Variants in DCHS1 observed in about 807,000 individuals in gnomAD.
DCHS1 encodes the protein dachsous cadherin-related 1.
A neutral mutation model predicts 213.9 loss-of-function variants in DCHS1; 78 were observed. The observed-to-expected ratio is 0.36, with a 90% CI of 0.30 to 0.44. The LOEUF is 0.44. Ranked by LOEUF, DCHS1 falls within the 20% of genes least tolerant of loss-of-function variation. The pLI is 1.00. For synonymous variants in DCHS1, 1,828 were observed against 1,873.7 expected, an observed-to-expected ratio of 0.98 and a Z score of 0.63; for missense variants, 3,946 against 4,395.9, an observed-to-expected ratio of 0.90 and a Z score of 2.89.
At position 6,627,046 on chromosome 11, in the gene DCHS1, G is replaced by A; in HGVS notation, c.5993C>T (p.Ser1998Phe). 1 of 1,613,672 alleles carries A rather than the reference G, an allele frequency of 6.2e-7. No individual in the cohort carries two copies. ...AEDRDAGANA[S>F]ILYRLAGTPP... ...TGTGCCTGCCAGCCGGTACAGAATG[G>A]AAGCATTGGCACCAGCATCACGATC... Residue 1998 changes from serine to phenylalanine, a missense_variant, in exon 14 of 21, where the codon TCC becomes TTC. By Grantham distance (155) the Ser-to-Phe change is radical. This residue lies in a region of DCHS1 where 3,384 missense variants were observed against 3,780.1 expected (regional missense o/e 0.90). Coordinates refer to ENST00000299441, the MANE Select transcript of DCHS1 (RefSeq NM_003737.4). This position sits in a 1 kb window ranked among gnomAD's most constrained non-coding sequence, Gnocchi z 5.4.
At position 6,654,388 on chromosome 11, in the gene DCHS1, T is replaced by C. The variant is rs539936088; in HGVS notation, c.-121+1175A>G. ...TGACAGTGCTTCTGATGGATGTGGA[T>C]TGCAGTGACAATGTCTCCTGAGAGG... On this transcript the variant is annotated intron_variant, in intron 1 of 20. Transcript: ENST00000299441. 1.3e-4 allele frequency among the ~76,000 whole-genome samples: 20 copies of C among 152,312 alleles called. 1 individual carries two copies. The highest frequency in any genetic ancestry group is 4.3e-4 in the African/African-American group (18 of 41,568).
At chr11:6,639,349 C>G (rs1454572922) in intron 2 of DCHS1, among the ~76,000 whole-genome samples, 1 of 152,162 alleles carries the variant, frequency 6.6e-6, no homozygotes, top group Non-Finnish European at 1.5e-5. Flanking sequence ...TGCTATCTCT[C>G]ATTCTCATGT....
In DCHS1 at chr11:6,639,831, T is replaced by G. The variant is rs1470062315; in HGVS notation, c.1783A>C (p.Thr595Pro). Reference protein sequence around the residue: ...ASLPEGTQPGTCFLQVTATDA... With the variant: ...ASLPEGTQPGPCFLQVTATDA... ...GGCCTACCCACCTGCAGGAAGCAAG[T>G]TCCAGGCTGGGTGCCCTCAGGCAGT... The change falls in exon 2 of 21, where the codon ACT becomes CCT. Residue 595 changes from threonine (T) to proline (P), a missense_variant. This residue lies in a region of DCHS1 where 3,384 missense variants were observed against 3,780.1 expected (regional missense o/e 0.90). Coordinates refer to ENST00000299441, the MANE Select transcript of DCHS1 (RefSeq NM_003737.4). The G allele has an allele frequency of 6.3e-7, 1 of 1,598,204 alleles. No individual in the cohort carries two copies. The highest frequency in any genetic ancestry group is 1.3e-5 in the African/African-American group (1 of 74,712).
intron 2 of DCHS1, among the ~76,000 whole-genome samples, chr11:6,634,722 C>T (rs1855964025): frequency 6.6e-6 from 1 of 151,950 alleles, no homozygotes; most frequent in Non-Finnish European, 1.5e-5. Flanking sequence ...CACTTCAGCA[C>T]TACACTTGGG....
Position 6,623,400 on chromosome 11 carries a change from G to A in DCHS1, c.8276C>T (p.Ala2759Val), listed in dbSNP as rs1266311906. 2 of 1,595,366 alleles carry A rather than the reference G, an allele frequency of 1.3e-6. No homozygotes were observed. Among genetic ancestry groups the A allele is most frequent in the Admixed American group, 1.7e-5 (1 of 57,356 alleles). Residue 2759 changes from alanine (A) to valine (V), a missense_variant, in exon 21 of 21, where the codon GCA becomes GTA. Ala to Val is a moderately conservative substitution (Grantham distance 64). Coordinates refer to ENST00000299441, the MANE Select transcript of DCHS1 (RefSeq NM_003737.4). ...CAACTCCCCTGTTGAGCTGTTCAGT[G>A]CAAATGCCTCACGGCCCTCAGGTCC... ...GPGPEGREAF[A>V]LNSSTGELRA...
rs763021925 is a variant in DCHS1 at position 6,625,566 on chromosome 11, C to A, written c.6862+31G>T. On this transcript the variant is annotated intron_variant, in intron 18 of 20. Coordinates refer to ENST00000299441, the MANE Select transcript of DCHS1 (RefSeq NM_003737.4). The surrounding 1 kb of genome is among the most constrained non-coding windows in gnomAD (Gnocchi z 5.3). ...GTGGAGAAAAATGTCTCTCTGCCAC[C>A]CTTTATGCCACCCACTTTACCCAGC... The A allele has an allele frequency of 1.9e-6, 3 of 1,613,262 alleles. No homozygotes were observed. The East Asian group carries it at 6.7e-5, about 36-fold the overall frequency.
At position 6,622,626 on chromosome 11, in the gene DCHS1, C is replaced by A. The variant is rs1455784513; in HGVS notation, c.9050G>T (p.Gly3017Val). Residue 3017 changes from glycine (G) to valine (V), a missense_variant, in exon 21 of 21, where the codon GGA becomes GTA. Coordinates refer to ENST00000299441, the MANE Select transcript of DCHS1 (RefSeq NM_003737.4). The surrounding 1 kb of genome is among the most constrained non-coding windows in gnomAD (Gnocchi z 5.4). ...CAAGGAGCCACCACGGGGGTAGGGT[C>A]CTCCAGCTCCTGGCCCACCATAGCT... ...LPSYGGPGAG[G>V]PYPRGGSLDP... 1.1e-5 allele frequency: 18 copies of A among 1,584,630 alleles called. No individual in the cohort carries two copies. Among genetic ancestry groups the A allele is most frequent in the Non-Finnish European group, 1.5e-5 (18 of 1,165,840 alleles).
rs1855870746 is a variant in DCHS1 at position 6,629,820 on chromosome 11, G to A, written c.4887C>T (p.Arg1629=). 1 of 1,613,122 alleles carries A rather than the reference G, an allele frequency of 6.2e-7. No individual in the cohort carries two copies. The highest frequency in any genetic ancestry group is 8.5e-7 in the Non-Finnish European group (1 of 1,179,894). Residue 1629 remains arginine (R), a synonymous_variant, in exon 11 of 21, where the codon CGC becomes CGT. Coordinates refer to ENST00000299441, the MANE Select transcript of DCHS1 (RefSeq NM_003737.4). The part of the protein sequence containing the change: ...VVASDHGSPP[R]SATQVLTVSV... ...TGACGGTCAGGACCTGCGTGGCCGA[G>A]CGCGGCGGGGAGCCGTGGTCTGAGG...
At chr11:6,643,987 AG>A (rs1222776732) in intron 1 of DCHS1, among the ~76,000 whole-genome samples, 2 of 152,184 alleles carry the variant, frequency 1.3e-5, no homozygotes, top group Non-Finnish European at 2.9e-5. Context: ...GACATGTCTC[AG>A]GTCTTTCTTG....
At position 6,622,915 on chromosome 11, in the gene DCHS1, C is replaced by A; in HGVS notation, c.8761G>T (p.Asp2921Tyr). Residue 2921 changes from aspartate to tyrosine, a missense_variant, in exon 21 of 21, where the codon GAT (aspartate) becomes TAT (tyrosine). By Grantham distance (160) the Asp-to-Tyr change is radical (BLOSUM62 -3). Transcript: ENST00000299441. The surrounding 1 kb of genome is among the most constrained non-coding windows in gnomAD (Gnocchi z 5.4). ...SRSATVPVTV[D>Y]ITHTALGLAP... ...AGGCCCAGTGCGGTGTGGGTGATAT[C>A]CACGGTCACAGGCACTGTGGCACTC... The A allele has an allele frequency of 6.3e-7, 1 of 1,594,756 alleles. No homozygotes were observed. Among genetic ancestry groups the A allele is most frequent in the East Asian group, 2.3e-5 (1 of 43,734 alleles).
intron 1 of DCHS1, among the ~76,000 whole-genome samples, chr11:6,646,885 G>A (rs1856165187): frequency 6.6e-6 from 1 of 152,162 alleles, no homozygotes; most frequent in Non-Finnish European, 1.5e-5. Context: ...GAAGCAGGGG[G>A]AACATGGGAG....
At chr11:6,650,898 A>G (rs1393706223) in intron 1 of DCHS1, among the ~76,000 whole-genome samples, 1 of 152,232 alleles carries the variant, frequency 6.6e-6, no homozygotes, top group Non-Finnish European at 1.5e-5. Flanking sequence ...CGAAGGAAGA[A>G]TAAATTGTAG....
At chr11:6,647,747 C>T (rs765838375) in intron 1 of DCHS1, among the ~76,000 whole-genome samples, 1 of 152,112 alleles carries the variant, frequency 6.6e-6, no homozygotes, top group Non-Finnish European at 1.5e-5. Context: ...GTCTATGTTG[C>T]CTGAGATTCA....
In DCHS1 at chr11:6,625,578, C is replaced by G. The variant is rs751457720; in HGVS notation, c.6862+19G>C. 3 of 1,613,496 alleles carry G rather than the reference C, an allele frequency of 1.9e-6. No individual in the cohort carries two copies. Among genetic ancestry groups the G allele is most frequent in the Non-Finnish European group, 1.7e-6 (2 of 1,179,816 alleles). On this transcript the variant is annotated intron_variant, in intron 18 of 20. Transcript: ENST00000299441. This position sits in a 1 kb window ranked among gnomAD's most constrained non-coding sequence, Gnocchi z 5.3. ...GTCTCTCTGCCACCCTTTATGCCAC[C>G]CACTTTACCCAGCCTCACCTTCTGA...
chr11:6,623,596 T>A lies in DCHS1; in HGVS notation c.8080A>T (p.Ile2694Phe). 6.2e-7 allele frequency: 1 copy of A among 1,613,740 alleles called. No homozygotes were observed. Among genetic ancestry groups the A allele is most frequent in the Non-Finnish European group, 8.5e-7 (1 of 1,179,856 alleles). ...GAHFALAPVT[I>F]EVQDVNDHGP... ...TGATCATTCACATCCTGGACCTCAA[T>A]TGTCACTGGTGCCAAAGCAAAGTGT... is the stretch of plus-strand genomic sequence containing the variant. The change falls in exon 21 of 21, where the codon ATT becomes TTT. Residue 2694 changes from isoleucine to phenylalanine, a missense_variant. Ile to Phe is a conservative substitution (Grantham distance 21). This residue lies in a region of DCHS1 where 3,384 missense variants were observed against 3,780.1 expected (regional missense o/e 0.90). Transcript: ENST00000299441.
At chr11:6,649,751 G>T (rs1435206056) in intron 1 of DCHS1, among the ~76,000 whole-genome samples, 1 of 152,072 alleles carries the variant, frequency 6.6e-6, no homozygotes, top group East Asian at 1.9e-4. Flanking sequence ...TGCAGCAAGG[G>T]TTGCCCTAAA....
Position 6,623,213 on chromosome 11 carries a change from T to C in DCHS1, c.8463A>G (p.Gln2821=), listed in dbSNP as rs1423791763. ...PVFLAPAFHF[Q]VPEGARRGHS... ...GGCCACGCCGGGCACCTTCGGGCAC[T>C]TGGAAGTGGAAAGCTGGTGCCAGAA... The change falls in exon 21 of 21, where the codon CAA becomes CAG. Residue 2821 remains glutamine (Q), a synonymous_variant. Transcript: ENST00000299441. 5.0e-6 allele frequency: 8 copies of C among 1,599,406 alleles called. No individual in the cohort carries two copies. In the African/African-American group the frequency reaches 9.4e-5, roughly 19 times the overall value.
chr11:6,622,525 G>T lies in DCHS1; in HGVS notation c.9151C>A (p.Pro3051Thr). The T allele has an allele frequency of 6.3e-7, 1 of 1,579,318 alleles. No individual in the cohort carries two copies. The highest frequency in any genetic ancestry group is 8.6e-7 in the Non-Finnish European group (1 of 1,163,228). The part of the protein sequence containing the change: ...DDEIRMINEF[P>T]RVASVASSLA... ...GAGGAGGCCACACTGGCCACACGGG[G>T]GAACTCATTGATCATGCGGATCTCA... Residue 3051 changes from proline (P) to threonine (T), a missense_variant, in exon 21 of 21, where the codon CCC (proline) becomes ACC (threonine). Coordinates refer to ENST00000299441, the MANE Select transcript of DCHS1 (RefSeq NM_003737.4). The surrounding 1 kb of genome is among the most constrained non-coding windows in gnomAD (Gnocchi z 5.4).
In DCHS1 at chr11:6,630,063, A is replaced by G. The variant is rs775416159; in HGVS notation, c.4731T>C (p.Ala1577=). 4 of 1,565,858 alleles carry G rather than the reference A, an allele frequency of 2.6e-6. No individual in the cohort carries two copies. Among genetic ancestry groups the G allele is most frequent in the African/African-American group, 2.7e-5 (2 of 73,712 alleles). Reference sequence around the variant, plus strand: ...ATGCCAGCCGATAGGACACGCGTGCAGCCTCGCCCAGATCCGGGTCCCGGG... The same window carrying G: ...ATGCCAGCCGATAGGACACGCGTGCGGCCTCGCCCAGATCCGGGTCCCGGG... ...VVARDPDLGE[A]ARVSYRLASG... is the part of the protein sequence containing the mutation. The change falls in exon 10 of 21, where the codon GCT becomes GCC. Residue 1577 remains alanine, a synonymous_variant. Transcript: ENST00000299441.
Sources: allele counts gnomAD v4.1 joint callset (sites outside exome capture counted in the v4.1 genomes callset), GRCh38; gene constraint gnomAD v4.1.1; regional missense constraint gnomAD v4.1.1; non-coding constraint Gnocchi (gnomAD v3.1); transcripts MANE v1.5; gene names NCBI Gene and HGNC (gene_info 2026-07-23, HGNC 2026-07-21).